SLCO1B3: variants seen among roughly 807,000 people sequenced by gnomAD.
SLCO1B3 encodes the protein solute carrier organic anion transporter family member 1B3.
Under a neutral mutation model 71.8 loss-of-function variants are expected in SLCO1B3, and 72 were observed. The ratio of observed to expected loss-of-function variants is 1.00; its 90% confidence interval spans 0.83 to 1.22. SLCO1B3 has a LOEUF of 1.22. Ranked by LOEUF, SLCO1B3 falls within the 50% of genes most tolerant of loss-of-function variation. The pLI is 0.00. For synonymous variants in SLCO1B3, 298 were observed against 278.4 expected, an observed-to-expected ratio of 1.07 and a Z score of -0.70; for missense variants, 911 against 819.7, an observed-to-expected ratio of 1.11 and a Z score of -1.36.
At position 20,858,434 on chromosome 12, in the gene SLCO1B3, T is replaced by C. The variant is rs1431692377; in HGVS notation, c.227-5T>C. On this transcript the variant is annotated splice_region_variant and splice_polypyrimidine_tract_variant and intron_variant, in intron 4 of 15. Coordinates refer to ENST00000381545, the MANE Select transcript of SLCO1B3 (RefSeq NM_019844.4). ...CATATCAACATAATTTTGTTTTTTT[T>C]CTAGGAAATTTGCTTGTGATTGTAT... is the stretch of plus-strand genomic sequence containing the variant. 1.3e-6 allele frequency: 2 copies of C among 1,576,856 alleles called. No individual in the cohort carries two copies. The highest frequency in any genetic ancestry group is 1.1e-5 in the South Asian group (1 of 90,132).
At chr12:20,833,584 A>G (rs1254946770) in intron 3 of SLCO1B3, among the ~76,000 whole-genome samples, 2 of 148,518 alleles carry the variant, frequency 1.3e-5, no homozygotes, top group Admixed American at 6.8e-5. Context: ...GAATATATAC[A>G]TATATTGCAT....
chr12:20,908,532 G>T (rs987010098), intron 15 of SLCO1B3, among the ~76,000 whole-genome samples: 2 of 152,182 alleles, frequency 1.3e-5, no homozygotes, highest in South Asian at 2.1e-4. Context: ...TGCTCTGCCT[G>T]TTCATTCATC....
intron 3 of SLCO1B3, among the ~76,000 whole-genome samples, chr12:20,844,159 A>G (rs1229356475): frequency 6.6e-6 from 1 of 152,006 alleles, no homozygotes; most frequent in Non-Finnish European, 1.5e-5. Flanking sequence ...GTGTGTGTGT[A>G]TATATACACC....
At chr12:20,891,366 G>A (rs1591784488) in intron 13 of SLCO1B3, among the ~76,000 whole-genome samples, 1 of 151,230 alleles carries the variant, frequency 6.6e-6, no homozygotes, top group Non-Finnish European at 1.5e-5. Context: ...CTTTTGGCTT[G>A]TAAGATTCCT....
At chr12:20,889,198 A>G (rs945620654) in intron 13 of SLCO1B3, among the ~76,000 whole-genome samples, 8 of 151,674 alleles carry the variant, frequency 5.3e-5, no homozygotes, top group African/African-American at 9.7e-5. Context: ...TGGTATCAGC[A>G]TGATGCTGAC....
intron 14 of SLCO1B3, 25 bp downstream of exon 14, chr12:20,898,525 A>C (rs774818276): frequency 8.8e-7 from 1 of 1,138,394 alleles, no homozygotes; most frequent in Non-Finnish European, 1.3e-6. Context: ...TAGATTATAC[A>C]TTTTAACATA....
rs374690568 is a variant in SLCO1B3 at position 20,838,652 on chromosome 12, T to C, written c.85-16376T>C. On this transcript the variant is annotated intron_variant, in intron 3 of 15. Transcript: ENST00000381545. The stretch of plus-strand genomic sequence containing the variant: ...AAACCTTTACAGCCTGTTATTGTAC[T>C]AAATACTGCAGGAATTGTAACACAA... Among the ~76,000 whole-genome samples the C allele has an allele frequency of 8.1e-4, 123 of 152,164 alleles. 2 individuals carry two copies. In the South Asian group the frequency reaches 0.025, roughly 30 times the overall value.
At chr12:20,840,321 T>C (rs1248838364) in intron 3 of SLCO1B3, among the ~76,000 whole-genome samples, 2 of 152,100 alleles carry the variant, frequency 1.3e-5, no homozygotes, top group African/African-American at 4.8e-5. Flanking sequence ...ATCCTACAGT[T>C]CCAAGCTTAG....
chr12:20,861,280 C>CATTAACAGTA, intron 6 of SLCO1B3, 142 bp downstream of exon 6: 1 of 707,080 alleles, frequency 1.4e-6, no homozygotes, highest in Non-Finnish European at 2.2e-6. Context: ...CAAAATCATA[C>CATTAACAGTA]TGTTAATGTA....
chr12:20,910,841 C>T (rs927421732), intron 15 of SLCO1B3, among the ~76,000 whole-genome samples: 3 of 151,976 alleles, frequency 2.0e-5, no homozygotes, highest in Non-Finnish European at 4.4e-5. Flanking sequence ...CTTATTAGTT[C>T]CAGTAGTGTT....
At chr12:20,891,403 A>G (rs1257397640) in intron 13 of SLCO1B3, among the ~76,000 whole-genome samples, 2 of 151,906 alleles carry the variant, frequency 1.3e-5, no homozygotes, top group African/African-American at 4.8e-5. Flanking sequence ...TTAGTCTGAT[A>G]GGATTCTTTT....
At chr12:20,892,733 A>C (rs1241263419) in intron 13 of SLCO1B3, among the ~76,000 whole-genome samples, 3 of 152,200 alleles carry the variant, frequency 2.0e-5, no homozygotes, top group Non-Finnish European at 2.9e-5. Flanking sequence ...GAAAATGTGA[A>C]CTAGTAATCC....
At chr12:20,827,499 A>G (rs1289735471) in intron 3 of SLCO1B3, among the ~76,000 whole-genome samples, 1 of 152,198 alleles carries the variant, frequency 6.6e-6, no homozygotes, top group Non-Finnish European at 1.5e-5. Flanking sequence ...AGTCATGAAG[A>G]TAAAAGTAGA....
intron 3 of SLCO1B3, among the ~76,000 whole-genome samples, chr12:20,826,921 C>G (rs1319650170): frequency 2.6e-5 from 4 of 151,662 alleles, no homozygotes; most frequent in Non-Finnish European, 4.4e-5. Context: ...GGAAATAACC[C>G]AGATACTTAA....
intron 6 of SLCO1B3, 44 bp from the exon 7 acceptor site, chr12:20,862,368 G>A: frequency 6.5e-7 from 1 of 1,542,930 alleles, no homozygotes; most frequent in Non-Finnish European, 8.7e-7. Context: ...TAATAGGAAT[G>A]TTAAAATTAA....
chr12:20,849,697 TAC>T (rs1864983876), intron 3 of SLCO1B3, among the ~76,000 whole-genome samples: 1 of 139,766 alleles, frequency 7.2e-6, no homozygotes, highest in Non-Finnish European at 1.5e-5. Context: ...AAAGAAAAAT[TAC>T]ATAGTAGAAA....
At chr12:20,847,821 G>T (rs1211495544) in intron 3 of SLCO1B3, among the ~76,000 whole-genome samples, 1 of 151,862 alleles carries the variant, frequency 6.6e-6, no homozygotes, top group African/African-American at 2.4e-5. Context: ...AGGGAAAAAA[G>T]AATATTTGAA....
chr12:20,839,922 T>A lies in SLCO1B3; in HGVS notation c.85-15106T>A, dbSNP rs372394022. 8.1e-4 allele frequency among the ~76,000 whole-genome samples: 124 copies of A among 152,304 alleles called. 2 individuals carry two copies. In the South Asian group the frequency reaches 0.025, roughly 31 times the overall value. On this transcript the variant is annotated intron_variant, in intron 3 of 15. Coordinates refer to ENST00000381545, the MANE Select transcript of SLCO1B3 (RefSeq NM_019844.4). Reference sequence around the variant, plus strand: ...ATTCTGAAGCTCATATAGCCTTTTCTCAGGTATGCCAAGTATACTAATATG... The same window carrying A: ...ATTCTGAAGCTCATATAGCCTTTTCACAGGTATGCCAAGTATACTAATATG...
chr12:20,824,497 G>A (rs1393416739), intron 3 of SLCO1B3, among the ~76,000 whole-genome samples: 4 of 152,088 alleles, frequency 2.6e-5, no homozygotes, highest in African/African-American at 9.7e-5. Flanking sequence ...AACAACAATT[G>A]TGAATGACAA....
Sources: allele counts gnomAD v4.1 joint callset (sites outside exome capture counted in the v4.1 genomes callset), GRCh38; gene constraint gnomAD v4.1.1; transcripts MANE v1.5; gene names NCBI Gene and HGNC (gene_info 2026-07-23, HGNC 2026-07-21).